RUSC2: variants seen among roughly 807,000 people sequenced by gnomAD.
RUSC2 encodes AP-4 complex accessory subunit RUSC2.
Under a neutral mutation model 122.2 loss-of-function variants are expected in RUSC2, and 34 were observed. The observed-to-expected ratio is 0.28, with a 90% CI of 0.21 to 0.37. The LOEUF (loss-of-function observed/expected upper bound fraction) is 0.37. RUSC2 is among the 10% of genes least tolerant of loss of function. The pLI is 1.00. For synonymous variants in RUSC2, 784 were observed against 790.0 expected (o/e 0.99, Z 0.13); for missense variants, 1,747 against 1,952.4 (o/e 0.89, Z 1.98).
intron 2 of RUSC2, among the ~76,000 whole-genome samples, chr9:35,550,386 G>A (rs1296398551): frequency 6.6e-6 from 1 of 151,832 alleles, no homozygotes; most frequent in Non-Finnish European, 1.5e-5. Flanking sequence ...AGCACTTTAG[G>A]AGACTGAGGC....
At chr9:35,495,221 A>G (rs1820682464) in intron 1 of RUSC2, among the ~76,000 whole-genome samples, 1 of 39,846 alleles carries the variant, frequency 2.5e-5, no homozygotes. Context: ...TATATAAAGT[A>G]TATATTTATA....
At chr9:35,533,304 T>TC (rs1821460230) in intron 1 of RUSC2, among the ~76,000 whole-genome samples, 1 of 151,322 alleles carries the variant, frequency 6.6e-6, no homozygotes, top group African/African-American at 2.4e-5. Flanking sequence ...CTATCTGACG[T>TC]CCTTGGATTG....
intron 1 of RUSC2, among the ~76,000 whole-genome samples, chr9:35,525,467 C>G (rs1821306562): frequency 6.6e-6 from 1 of 152,078 alleles, no homozygotes; most frequent in African/African-American, 2.4e-5. Context: ...ACTTCTTCTA[C>G]AAACTTTAAC....
chr9:35,536,882 C>T (rs374968532), intron 1 of RUSC2, among the ~76,000 whole-genome samples: 18 of 146,892 alleles, frequency 1.2e-4, no homozygotes, highest in African/African-American at 3.7e-4. Context: ...GGAGGCTCAA[C>T]TTGATTCTCT....
chr9:35,558,260 C>T lies in RUSC2; in HGVS notation c.3124C>T (p.Pro1042Ser). The T allele has an allele frequency of 6.2e-7, 1 of 1,614,122 alleles. No individual in the cohort carries two copies. Among genetic ancestry groups the T allele is most frequent in the East Asian group, 2.2e-5 (1 of 44,880 alleles). Residue 1042 changes from proline (P) to serine (S), a missense_variant, in exon 7 of 12, where the codon CCT becomes TCT. Physicochemically the swap from Pro to Ser is moderately conservative, Grantham distance 74. Transcript: ENST00000361226. This position sits in a 1 kb window ranked among gnomAD's most constrained non-coding sequence, Gnocchi z 4.3. ...CCACCTGGTTCTGAAGTACTTGTGC[C>T]CTGCCGTCCGCGCCGTGCTGGAGGA... ...VGHLVLKYLC[P>S]AVRAVLEDGL...
Position 35,561,442 on chromosome 9 carries a change from A to C in RUSC2, c.*60A>C. On this transcript the variant is annotated 3_prime_UTR_variant, in exon 12 of 12. Transcript: ENST00000361226. ...ATAACCCCCAGACTCAGAGCCCGAG[A>C]GCCCTTCCCAAGCCATTGGCTTGGC... 2.1e-6 allele frequency: 3 copies of C among 1,432,384 alleles called. No individual in the cohort carries two copies. Among genetic ancestry groups the C allele is most frequent in the Non-Finnish European group, 2.9e-6 (3 of 1,050,708 alleles). The allele number at this position is 1,432,384 out of a possible 1,614,324, so 88.7% of individuals were successfully genotyped here. A position where few individuals can be genotyped will look rare whatever the true frequency, so the allele number is the denominator to read the frequency against.
At chr9:35,559,628 G>A (rs527242179) in intron 9 of RUSC2, among the ~76,000 whole-genome samples, 1 of 152,316 alleles carries the variant, frequency 6.6e-6, no homozygotes, top group African/African-American at 2.4e-5. Flanking sequence ...CCAGCTACTC[G>A]GGAGGCTGAG....
rs1021278904 is a variant in RUSC2, at chr9:35,555,529, C to T, written c.2484C>T (p.Ala828=). The T allele has an allele frequency of 1.2e-6, 2 of 1,614,172 alleles. No homozygotes were observed. Among genetic ancestry groups the T allele is most frequent in the Non-Finnish European group, 1.7e-6 (2 of 1,180,024 alleles). Residue 828 remains alanine (A), a synonymous_variant, in exon 3 of 12, where the codon GCC becomes GCT. Coordinates refer to ENST00000361226, the MANE Select transcript of RUSC2 (RefSeq NM_014806.5). This position sits in a 1 kb window ranked among gnomAD's most constrained non-coding sequence, Gnocchi z 4.6. ...CCTGTCCTTCTGCTGTCCGGCCTGC[C>T]ACCTCCCAGCAGCCGCAGAAGGAGG... is the stretch of plus-strand genomic sequence containing the variant. ...SHSCPSAVRP[A]TSQQPQKEDQ...
intron 1 of RUSC2, among the ~76,000 whole-genome samples, chr9:35,508,686 C>T (rs1389745037): frequency 1.3e-5 from 2 of 152,266 alleles, no homozygotes; most frequent in Middle Eastern, 3.4e-3. Context: ...ATGACAATTC[C>T]CTGATGCTAC....
intron 9 of RUSC2, among the ~76,000 whole-genome samples, 159 bp from the exon 10 acceptor site, chr9:35,559,870 A>G (rs1412182796): frequency 6.6e-6 from 1 of 152,214 alleles, no homozygotes; most frequent in Non-Finnish European, 1.5e-5. Context: ...GGCACTGCAC[A>G]GCTGTGGGCA....
intron 1 of RUSC2, among the ~76,000 whole-genome samples, chr9:35,533,948 G>A (rs1821472821): frequency 6.6e-6 from 1 of 152,174 alleles, no homozygotes; most frequent in Non-Finnish European, 1.5e-5. Context: ...CTGTGTGGAT[G>A]TTTTTTGTTT....
chr9:35,553,419 A>G (rs1234252184), intron 2 of RUSC2, among the ~76,000 whole-genome samples: 1 of 152,198 alleles, frequency 6.6e-6, no homozygotes, highest in African/African-American at 2.4e-5. Flanking sequence ...ACAATATAAA[A>G]TCCCCACTTT....
intron 1 of RUSC2, among the ~76,000 whole-genome samples, chr9:35,528,646 A>G (rs994263631): frequency 2.0e-5 from 3 of 152,128 alleles, no homozygotes; most frequent in Non-Finnish European, 2.9e-5. Flanking sequence ...AGCTAGGACC[A>G]TAGGCATGTG....
At chr9:35,554,381 G>A (rs1393659287) in intron 2 of RUSC2, among the ~76,000 whole-genome samples, 1 of 152,210 alleles carries the variant, frequency 6.6e-6, no homozygotes, top group Non-Finnish European at 1.5e-5. Context: ...GGGAGTGGGG[G>A]TAGATACAGA....
At chr9:35,507,607 A>G (rs1462374811) in intron 1 of RUSC2, 3 of 221,856 alleles carry the variant, frequency 1.4e-5, no homozygotes, top group Non-Finnish European at 1.9e-5. Flanking sequence ...TGTAAGAAGT[A>G]TCACAAGCAC....
intron 1 of RUSC2, among the ~76,000 whole-genome samples, chr9:35,540,907 C>A (rs1176906111): frequency 6.6e-6 from 1 of 152,168 alleles, no homozygotes; most frequent in Non-Finnish European, 1.5e-5. Context: ...ACTACTTACA[C>A]ACTCTAAGCT....
Position 35,533,223 on chromosome 9 carries a change from G to A in RUSC2, c.-92-13207G>A, listed in dbSNP as rs560832053. ...GATCGTGCCACTGCACTCCAGCCTG[G>A]GTGACAGAGCGAGACTCTGTCTCAA... On this transcript the variant is annotated intron_variant, in intron 1 of 11. Coordinates refer to ENST00000361226, the MANE Select transcript of RUSC2 (RefSeq NM_014806.5). 1.8e-4 allele frequency among the ~76,000 whole-genome samples: 27 copies of A among 148,706 alleles called. No individual in the cohort carries two copies. In the South Asian group the frequency reaches 5.9e-3, roughly 32 times the overall value.
intron 1 of RUSC2, among the ~76,000 whole-genome samples, chr9:35,531,811 G>T (rs1262657023): frequency 6.6e-6 from 1 of 152,168 alleles, no homozygotes; most frequent in Non-Finnish European, 1.5e-5. Context: ...GGATCACGAG[G>T]TTAGGAGACT....
intron 2 of RUSC2, among the ~76,000 whole-genome samples, chr9:35,554,632 C>T (rs982203607): frequency 3.3e-5 from 5 of 152,108 alleles, no homozygotes; most frequent in African/African-American, 9.7e-5. Flanking sequence ...GATGGATAAG[C>T]GGTTATAGCA....
Sources: gnomAD v4.1 joint callset for allele counts (sites outside exome capture counted in the v4.1 genomes callset) on GRCh38, gnomAD v4.1.1 for gene constraint, Gnocchi (gnomAD v3.1) non-coding constraint, MANE v1.5 for transcripts, NCBI Gene and HGNC (gene_info 2026-07-23, HGNC 2026-07-21) for gene names.